Variants in RYR2 observed in about 807,000 individuals in gnomAD.
RYR2 encodes the protein ryanodine receptor 2, also known as cardiac muscle ryanodine receptor-calcium release channel.
Under a neutral mutation model 601.1 loss-of-function variants are expected in RYR2, and 227 were observed. That is an observed-to-expected ratio of 0.38 (90% CI 0.34 to 0.42). The LOEUF is 0.42. Among genes scored for constraint, RYR2 ranks in the 10% least tolerant of loss-of-function variants. The pLI is 1.00. For missense variants in RYR2, 4,646 were observed against 6,156.5 expected, an observed-to-expected ratio of 0.75 and a Z score of 8.21; for synonymous variants, 2,223 against 2,175.1, an observed-to-expected ratio of 1.02 and a Z score of -0.61.
intron 1 of RYR2, among the ~76,000 whole-genome samples, chr1:237,235,502 C>A (rs1685467650): frequency 6.6e-6 from 1 of 152,194 alleles, no homozygotes; most frequent in East Asian, 1.9e-4. Context: ...CAGATATTAG[C>A]CTCAGTTAAT....
intron 35 of RYR2, among the ~76,000 whole-genome samples, chr1:237,607,750 A>G (rs944996134): frequency 6.6e-5 from 10 of 152,184 alleles, no homozygotes; most frequent in African/African-American, 2.4e-4. Context: ...AAAAGGTTGA[A>G]CTTAATTTTG....
chr1:237,183,212 A>C (rs1678986910), intron 1 of RYR2, among the ~76,000 whole-genome samples: 1 of 152,228 alleles, frequency 6.6e-6, no homozygotes, highest in South Asian at 2.1e-4. Context: ...GTTTACATGC[A>C]GAACCTACTT....
At chr1:237,394,918 A>T (rs796209078) in intron 10 of RYR2, among the ~76,000 whole-genome samples, 6 of 152,314 alleles carry the variant, frequency 3.9e-5, no homozygotes, top group African/African-American at 1.4e-4. Context: ...CAGAAGGCGA[A>T]TGGGAAGGAG....
At chr1:237,398,892 A>G (rs1441112305) in intron 10 of RYR2, among the ~76,000 whole-genome samples, 2 of 152,198 alleles carry the variant, frequency 1.3e-5, no homozygotes, top group Non-Finnish European at 2.9e-5. Context: ...GGAATGGTCT[A>G]TTGAAACGCA....
At chr1:237,500,953 C>A in intron 21 of RYR2, 50 bp downstream of exon 21, 1 of 1,531,376 alleles carries the variant, frequency 6.5e-7, no homozygotes, top group Non-Finnish European at 9.0e-7. Context: ...TTTCTCATAC[C>A]TCCACAGAAG....
chr1:237,377,772 G>C (rs1053945020), intron 8 of RYR2, among the ~76,000 whole-genome samples: 1 of 152,160 alleles, frequency 6.6e-6, no homozygotes, highest in Non-Finnish European at 1.5e-5. Flanking sequence ...TTTTGCACCT[G>C]ATGAAAAGGC....
chr1:237,292,528 A>G (rs10925359), intron 2 of RYR2, among the ~76,000 whole-genome samples: 38,068 of 152,044 alleles, frequency 0.25, 5,689 homozygotes, highest in South Asian at 0.37. Flanking sequence ...TTTATTTTAG[A>G]ATGTTTATAT....
At chr1:237,830,716 TTTA>T (rs1231149958) in intron 103 of RYR2, 86 bp downstream of exon 103, 3 of 666,630 alleles carry the variant, frequency 4.5e-6, no homozygotes, top group Non-Finnish European at 7.9e-6. Context: ...GAAGTTTTTG[TTTA>T]TTGTTTAAAA....
chr1:237,717,774 T>C (rs999675836), intron 72 of RYR2, among the ~76,000 whole-genome samples: 4 of 152,240 alleles, frequency 2.6e-5, no homozygotes, highest in African/African-American at 9.6e-5. Context: ...AATCAGCTGC[T>C]GTTCTCCTCT....
chr1:237,713,156 G>A (rs1333738079), intron 71 of RYR2, among the ~76,000 whole-genome samples: 1 of 152,130 alleles, frequency 6.6e-6, no homozygotes, highest in African/African-American at 2.4e-5. Flanking sequence ...GTGTATTCCT[G>A]TACAGATACC....
At chr1:237,475,687 G>A (rs546709905) in intron 17 of RYR2, among the ~76,000 whole-genome samples, 208 of 152,286 alleles carry the variant, frequency 1.4e-3, no homozygotes, top group Non-Finnish European at 2.7e-3. Flanking sequence ...TATGATGTAT[G>A]TATATAATAT....
At chr1:237,339,180 C>G (rs1391789349) in intron 3 of RYR2, among the ~76,000 whole-genome samples, 11 of 152,052 alleles carry the variant, frequency 7.2e-5, no homozygotes, top group African/African-American at 2.7e-4. Flanking sequence ...ACTGAAGAGA[C>G]TATAGCCAAA....
intron 68 of RYR2, among the ~76,000 whole-genome samples, chr1:237,708,541 C>A (rs550929669): frequency 2.9e-4 from 44 of 152,226 alleles, no homozygotes; most frequent in African/African-American, 7.5e-4. Flanking sequence ...GTTAGGGGAA[C>A]CTTTTCCATT....
intron 10 of RYR2, among the ~76,000 whole-genome samples, chr1:237,396,332 C>A (rs868785256): frequency 1.3e-5 from 2 of 152,128 alleles, no homozygotes; most frequent in East Asian, 3.9e-4. Flanking sequence ...ACTCTACATA[C>A]GGGAAGAGTC....
intron 62 of RYR2, among the ~76,000 whole-genome samples, chr1:237,683,001 T>C (rs967666613): frequency 2.0e-5 from 3 of 152,164 alleles, no homozygotes; most frequent in Non-Finnish European, 4.4e-5. Flanking sequence ...AACATTATGA[T>C]GGAGATGAGT....
At chr1:237,051,622 C>T (rs991823483) in intron 1 of RYR2, among the ~76,000 whole-genome samples, 1 of 152,104 alleles carries the variant, frequency 6.6e-6, no homozygotes, top group Non-Finnish European at 1.5e-5. Context: ...CGTGGCCTAC[C>T]TACTGCTGTT....
chr1:237,118,577 G>A (rs761849036), intron 1 of RYR2, among the ~76,000 whole-genome samples: 15 of 151,894 alleles, frequency 9.9e-5, no homozygotes, highest in South Asian at 2.1e-4. Flanking sequence ...GGGAAAATAG[G>A]GAGTTATTGT....
rs1267225519 is a variant in RYR2, at chr1:237,709,093, T to C, written c.10137T>C (p.Tyr3379=). 1.3e-6 allele frequency: 2 copies of C among 1,567,926 alleles called. No individual in the cohort carries two copies. Among genetic ancestry groups the C allele is most frequent in the Non-Finnish European group, 1.7e-6 (2 of 1,158,636 alleles). The part of the protein sequence containing the change: ...FYPLLIRFVD[Y]NRAKWLKEPN... ...CTCTCTTGATTAGATTTGTGGACTA[T>C]AACAGGTATGATCAAAAGTAATTTA... The change falls in exon 69 of 105, where the codon TAT becomes TAC. Residue 3379 remains tyrosine (Y), a synonymous_variant. Transcript: ENST00000366574.
intron 2 of RYR2, among the ~76,000 whole-genome samples, chr1:237,284,696 A>C (rs780415569): frequency 1.3e-5 from 2 of 148,164 alleles, no homozygotes. Flanking sequence ...ACACACACAC[A>C]CCCATAAACA....
Sources: gnomAD v4.1 joint callset for allele counts (sites outside exome capture counted in the v4.1 genomes callset) on GRCh38, gnomAD v4.1.1 for gene constraint, MANE v1.5 for transcripts, NCBI Gene and HGNC (gene_info 2026-07-23, HGNC 2026-07-21) for gene names.